LTBP3: variants seen among roughly 807,000 people sequenced by gnomAD.
LTBP3 encodes the protein latent transforming growth factor beta binding protein 3, also known as latent-transforming growth factor beta-binding protein 3.
In LTBP3, 97 loss-of-function variants were observed where a neutral mutation model predicts 159.7. The observed-to-expected ratio is 0.61, with a 90% CI of 0.52 to 0.72. The LOEUF (loss-of-function observed/expected upper bound fraction) is 0.72, where lower values mean the gene tolerates loss of function less well. Among genes scored for constraint, LTBP3 ranks in the 30% least tolerant of loss-of-function variants. LTBP3 has a pLI of 0.00. For missense variants in LTBP3, 1,584 were observed against 1,864.3 expected (o/e 0.85, Z 2.77); for synonymous variants, 824 against 777.1 (o/e 1.06, Z -1.00).
chr11:65,557,528 T>G (rs1181472614), intron 1 of LTBP3, 101 bp downstream of exon 1: 2 of 1,534,144 alleles, frequency 1.3e-6, no homozygotes, highest in Non-Finnish European at 1.8e-6. Flanking sequence ...CTGCCCTTTA[T>G]ACCCTCAGCC....
chr11:65,551,257 A>T, intron 10 of LTBP3, 33 bp from the exon 11 acceptor site: 2 of 1,533,476 alleles, frequency 1.3e-6, no homozygotes, highest in Non-Finnish European at 1.8e-6. Context: ...GTCAGAGACG[A>T]TATTGACTGA....
In LTBP3 at chr11:65,547,892, G is replaced by T. The variant is rs1439707497; in HGVS notation, c.1846+28C>A. Reference sequence around the variant, plus strand: ...ATCTGGGGTCCCCCCCCACCCACCTGCATGCCCGCCGCCTGCCCTGCGCTC... The same window carrying T: ...ATCTGGGGTCCCCCCCCACCCACCTTCATGCCCGCCGCCTGCCCTGCGCTC... On this transcript the variant is annotated intron_variant, in intron 12 of 27. Coordinates refer to ENST00000301873, the MANE Select transcript of LTBP3 (RefSeq NM_001130144.3). The surrounding 1 kb of genome is among the most constrained non-coding windows in gnomAD (Gnocchi z 4.6). 4 of 1,613,326 alleles carry T rather than the reference G, an allele frequency of 2.5e-6. No homozygotes were observed. Among genetic ancestry groups the T allele is most frequent in the South Asian group, 1.1e-5 (1 of 91,086 alleles).
At position 65,547,297 on chromosome 11, in the gene LTBP3, T is replaced by A; in HGVS notation, c.2107+142A>T. ...AGGCGGAGGTTGCAGTGAGCCAAGA[T>A]CTCACCACCGCACTCCAGCCTGGGC... On this transcript the variant is annotated intron_variant, in intron 14 of 27. Coordinates refer to ENST00000301873, the MANE Select transcript of LTBP3 (RefSeq NM_001130144.3). This position sits in a 1 kb window ranked among gnomAD's most constrained non-coding sequence, Gnocchi z 4.6. 1.0e-6 allele frequency: 1 copy of A among 998,238 alleles called. No individual in the cohort carries two copies. Among genetic ancestry groups the A allele is most frequent in the African/African-American group, 1.7e-5 (1 of 60,520 alleles). 61.8% of individuals were successfully genotyped at this position (998,238 alleles called of 1,614,324 possible).
Position 65,538,971 on chromosome 11 carries a change from C to A in LTBP3, c.*109G>T. 1 of 1,314,946 alleles carries A rather than the reference C, an allele frequency of 7.6e-7. No homozygotes were observed. Among genetic ancestry groups the A allele is most frequent in the Non-Finnish European group, 9.7e-7 (1 of 1,033,204 alleles). 81.5% of individuals were successfully genotyped at this position (1,314,946 alleles called of 1,614,324 possible). ...TCAAGGCGCCGGGAGGGTCTGCGGG[C>A]CCTGAAGGTCCCTGGGTCCGAGCCA... On this transcript the variant is annotated 3_prime_UTR_variant, in exon 28 of 28. Transcript: ENST00000301873.
rs1036873338 is a variant in LTBP3, at chr11:65,539,871, C to G, written c.3396G>C (p.Pro1132=). The change falls in exon 25 of 28, where the codon CCG becomes CCC. Residue 1132 remains proline, a synonymous_variant. Coordinates refer to ENST00000301873, the MANE Select transcript of LTBP3 (RefSeq NM_001130144.3). ...GGCTCCAGCACACGTCGCGCCGCTC[C>G]GGGGCACGCTCTGCGGAAGACACCT... The part of the protein sequence containing the change: ...QLPESPAERA[P]ERRDVCWSQR... The G allele has an allele frequency of 1.3e-6, 2 of 1,514,872 alleles. No individual in the cohort carries two copies. Among genetic ancestry groups the G allele is most frequent in the Non-Finnish European group, 1.8e-6 (2 of 1,138,784 alleles). The allele number at this position is 1,514,872 out of a possible 1,614,324, so 93.8% of individuals were successfully genotyped here. A position where few individuals can be genotyped will look rare whatever the true frequency, so the allele number is the denominator to read the frequency against.
chr11:65,539,795 T>A lies in LTBP3; in HGVS notation c.3472A>T (p.Thr1158Ser). 6.5e-7 allele frequency: 1 copy of A among 1,543,738 alleles called. No individual in the cohort carries two copies. Among genetic ancestry groups the A allele is most frequent in the South Asian group, 1.2e-5 (1 of 84,780 alleles). The change falls in exon 25 of 28, where the codon ACC becomes TCC. Residue 1158 changes from threonine (T) to serine (S), a missense_variant. Coordinates refer to ENST00000301873, the MANE Select transcript of LTBP3 (RefSeq NM_001130144.3). ...CAGPLAGPAL[T>S]FDDCCCRQGR... ...TGGCGGCAGCAGCAGTCGTCGAAGG[T>A]GAGGGCAGGCCCGGCCAGGGGGCCA...
In LTBP3 at chr11:65,542,966, A is replaced by G. The variant is rs1856212732; in HGVS notation, c.2596+139T>C. 9 of 1,093,322 alleles carry G rather than the reference A, an allele frequency of 8.2e-6. No individual in the cohort carries two copies. In the South Asian group the frequency reaches 1.0e-4, roughly 12 times the overall value. The allele number at this position is 1,093,322 out of a possible 1,614,324, so 67.7% of individuals were successfully genotyped here. A position where few individuals can be genotyped will look rare whatever the true frequency, so the allele number is the denominator to read the frequency against. ...GATGGATGGATGGATGGATGGATGG[A>G]TGGATGGATAGATGGATGGATGGAT... On this transcript the variant is annotated intron_variant, in intron 18 of 27. Coordinates refer to ENST00000301873, the MANE Select transcript of LTBP3 (RefSeq NM_001130144.3).
intron 11 of LTBP3, among the ~76,000 whole-genome samples, chr11:65,549,556 G>A (rs895559472): frequency 8.7e-5 from 11 of 126,598 alleles, no homozygotes; most frequent in African/African-American, 1.2e-4. Context: ...GCACCACCAC[G>A]CCCAGCTAAT....
Position 65,543,098 on chromosome 11 carries a change from C to G in LTBP3, c.2596+7G>C, listed in dbSNP as rs1158825105. The G allele has an allele frequency of 1.2e-6, 2 of 1,613,774 alleles. No individual in the cohort carries two copies. Among genetic ancestry groups the G allele is most frequent in the Non-Finnish European group, 1.7e-6 (2 of 1,179,966 alleles). ...TCCCTCAGGAACCCTCAGCCAGTCC[C>G]CCATACCTTGGCATTTCCTGCCACC... On this transcript the variant is annotated splice_region_variant and intron_variant, in intron 18 of 27. Coordinates refer to ENST00000301873, the MANE Select transcript of LTBP3 (RefSeq NM_001130144.3).
At position 65,551,232 on chromosome 11, in the gene LTBP3, C is replaced by T. The variant is rs778346539; in HGVS notation, c.1622-8G>A. ...AGGGACGGGAGATCAGCTCTGCGGG[C>T]GGCAGTGCACTCTGGTCAGAGACGA... On this transcript the variant is annotated splice_polypyrimidine_tract_variant and splice_region_variant and intron_variant, in intron 10 of 27. Coordinates refer to ENST00000301873, the MANE Select transcript of LTBP3 (RefSeq NM_001130144.3). The T allele has an allele frequency of 1.5e-5, 23 of 1,544,292 alleles. No individual in the cohort carries two copies. Among genetic ancestry groups the T allele is most frequent in the Non-Finnish European group, 1.7e-5 (19 of 1,146,516 alleles).
intron 11 of LTBP3, among the ~76,000 whole-genome samples, chr11:65,549,567 C>CTTTTTTTTTTT (rs748132211): frequency 0.027 from 1,742 of 64,804 alleles, 9 homozygotes; most frequent in Middle Eastern, 0.058. Flanking sequence ...CCCAGCTAAT[C>CTTTTTTTTTTT]TTTTTTTTTT....
At chr11:65,542,155 T>TCCTCCA in intron 18 of LTBP3, 1 of 272,098 alleles carries the variant, frequency 3.7e-6, no homozygotes, top group Non-Finnish European at 7.4e-6. Context: ...TGACTTCTCG[T>TCCTCCA]GCCTTGCCTT....
chr11:65,546,722 G>A lies in LTBP3; in HGVS notation c.2230+76C>T. On this transcript the variant is annotated intron_variant, in intron 15 of 27. Coordinates refer to ENST00000301873, the MANE Select transcript of LTBP3 (RefSeq NM_001130144.3). The surrounding 1 kb of genome is among the most constrained non-coding windows in gnomAD (Gnocchi z 4.0). ...AGACGCCAATCACCACCGCTACCCC[G>A]CCCCGCCCCCAGCGGAGCCAGACTG... 1 of 943,548 alleles carries A rather than the reference G, an allele frequency of 1.1e-6. No homozygotes were observed. Among genetic ancestry groups the A allele is most frequent in the Admixed American group, 2.4e-5 (1 of 42,064 alleles). The allele number at this position is 943,548 out of a possible 1,614,324, so 58.4% of individuals were successfully genotyped here.
At chr11:65,548,272 C>G in intron 11 of LTBP3, 1 of 657,248 alleles carries the variant, frequency 1.5e-6, no homozygotes, top group Admixed American at 2.4e-5. Flanking sequence ...ACCCCACACC[C>G]AGGCCCGGAT....
chr11:65,557,135 G>A (rs1052709230), intron 1 of LTBP3, among the ~76,000 whole-genome samples: 2 of 152,084 alleles, frequency 1.3e-5, no homozygotes, highest in Non-Finnish European at 2.9e-5. Context: ...GCCAGTAGCC[G>A]GCTCCCATCC....
At position 65,539,762 on chromosome 11, in the gene LTBP3, C is replaced by A; in HGVS notation, c.3505G>T (p.Gly1169Cys). The change falls in exon 25 of 28, where the codon GGC (glycine) becomes TGC (cysteine). Residue 1169 changes from glycine to cysteine, a missense_variant. Gly to Cys is a radical substitution (Grantham distance 159, BLOSUM62 -3). Around this residue, in one of 6 missense-constraint regions of LTBP3, gnomAD observed 514 missense variants for 530.3 expected, o/e 0.97. Transcript: ENST00000301873. ...CACGGTCGGCATTGGGCGCCCCAGC[C>A]GCGGCCCTGGCGGCAGCAGCAGTCG... The part of the protein sequence containing the change: ...FDDCCCRQGR[G>C]WGAQCRPCPP... 6.5e-7 allele frequency: 1 copy of A among 1,545,290 alleles called. No individual in the cohort carries two copies. Among genetic ancestry groups the A allele is most frequent in the East Asian group, 2.4e-5 (1 of 42,066 alleles).
In LTBP3 at chr11:65,539,007, C is replaced by A. The variant is rs1231230142; in HGVS notation, c.*73G>T. ...CCTGGGTCCGAGCCACAAGTCGGGG[C>A]AGAAGTGAGGCCGAGCTCGCGGAAA... is the stretch of plus-strand genomic sequence containing the variant. On this transcript the variant is annotated 3_prime_UTR_variant, in exon 28 of 28. Transcript: ENST00000301873. 4 of 1,322,578 alleles carry A rather than the reference C, an allele frequency of 3.0e-6. No individual in the cohort carries two copies. In the African/African-American group the frequency reaches 4.7e-5, roughly 15 times the overall value. 81.9% of individuals were successfully genotyped at this position (1,322,578 alleles called of 1,614,324 possible).
Position 65,554,462 on chromosome 11 carries a change from C to T in LTBP3, c.332-82G>A, listed in dbSNP as rs924656378. ...CCTACTTCCTTGCCACCCACTGGCT[C>T]TGTCCTCTTGGGAAGCCAGGTTTTG... is the stretch of plus-strand genomic sequence containing the variant. On this transcript the variant is annotated intron_variant, in intron 1 of 27. Coordinates refer to ENST00000301873, the MANE Select transcript of LTBP3 (RefSeq NM_001130144.3). This position sits in a 1 kb window ranked among gnomAD's most constrained non-coding sequence, Gnocchi z 5.3. 1 of 1,213,442 alleles carries T rather than the reference C, an allele frequency of 8.2e-7. No homozygotes were observed. Among genetic ancestry groups the T allele is most frequent in the Non-Finnish European group, 1.2e-6 (1 of 861,308 alleles). 75.2% of individuals were successfully genotyped at this position (1,213,442 alleles called of 1,614,324 possible).
chr11:65,540,726 G>A, intron 21 of LTBP3, 112 bp from the exon 22 acceptor site: 1 of 1,542,958 alleles, frequency 6.5e-7, no homozygotes, highest in Non-Finnish European at 8.9e-7. Context: ...CAGGAGGGGC[G>A]GGGCCTACAG....
Sources: gnomAD v4.1 joint callset for allele counts (sites outside exome capture counted in the v4.1 genomes callset) on GRCh38, gnomAD v4.1.1 for gene constraint, gnomAD v4.1.1 regional missense constraint, Gnocchi (gnomAD v3.1) non-coding constraint, MANE v1.5 for transcripts, NCBI Gene and HGNC (gene_info 2026-07-23, HGNC 2026-07-21) for gene names.